Variants in SYN3 observed in about 807,000 individuals in gnomAD.
SYN3 encodes the protein synapsin-3.
A neutral mutation model predicts 65.8 loss-of-function variants in SYN3; 35 were observed. The observed-to-expected ratio is 0.53, with a 90% CI of 0.41 to 0.70. The LOEUF is 0.70. Ranked by LOEUF, SYN3 falls within the 30% of genes least tolerant of loss-of-function variation. The probability of loss-of-function intolerance (pLI) is 0.00; values close to 1 mark genes in which losing one functional copy is unlikely to be tolerated. For missense variants in SYN3, 680 were observed against 749.0 expected, an observed-to-expected ratio of 0.91 and a Z score of 1.08; for synonymous variants, 270 against 292.9, an observed-to-expected ratio of 0.92 and a Z score of 0.80.
chr22:32,993,836 C>T (rs2052797555), intron 2 of SYN3, among the ~76,000 whole-genome samples: 1 of 152,178 alleles, frequency 6.6e-6, no homozygotes, highest in South Asian at 2.1e-4. Context: ...GACCCCACAG[C>T]ATCTGCAGAG....
intron 4 of SYN3, among the ~76,000 whole-genome samples, chr22:32,918,054 G>T (rs182315717): frequency 6.6e-6 from 1 of 152,258 alleles, no homozygotes; most frequent in Non-Finnish European, 1.5e-5. Context: ...GGCTGTGGGT[G>T]GTGGGCTGTC....
At chr22:32,753,283 G>A (rs2045192732) in intron 6 of SYN3, among the ~76,000 whole-genome samples, 1 of 152,122 alleles carries the variant, frequency 6.6e-6, no homozygotes, top group Non-Finnish European at 1.5e-5. Flanking sequence ...AAGTCAGGCC[G>A]GTGGGAGCTC....
chr22:32,995,679 T>C (rs563491269), intron 2 of SYN3, among the ~76,000 whole-genome samples: 38 of 152,058 alleles, frequency 2.5e-4, no homozygotes, highest in Non-Finnish European at 4.3e-4. Context: ...TTTTTTTTTT[T>C]CTGAGATGGA....
chr22:32,575,896 A>C (rs539956673), intron 7 of SYN3, among the ~76,000 whole-genome samples: 1 of 152,178 alleles, frequency 6.6e-6, no homozygotes. Flanking sequence ...AAACAAACAA[A>C]AAAAAACAAA....
At chr22:32,759,206 T>C (rs964001789) in intron 6 of SYN3, among the ~76,000 whole-genome samples, 1 of 152,148 alleles carries the variant, frequency 6.6e-6, no homozygotes. Context: ...TTCCCAGGCC[T>C]AGCCAGCACA....
intron 4 of SYN3, among the ~76,000 whole-genome samples, chr22:32,901,307 G>A (rs924912682): frequency 2.6e-5 from 4 of 152,336 alleles, no homozygotes; most frequent in South Asian, 2.1e-4. Flanking sequence ...GGGTTGTTGG[G>A]TGATACTTAA....
intron 7 of SYN3, among the ~76,000 whole-genome samples, chr22:32,563,151 G>C (rs771615145): frequency 1.6e-4 from 25 of 152,242 alleles, no homozygotes; most frequent in Non-Finnish European, 3.4e-4. Context: ...CTGGTTATTA[G>C]TATCCAGCTT....
intron 3 of SYN3, among the ~76,000 whole-genome samples, chr22:32,939,989 T>G (rs996552193): frequency 2.0e-5 from 3 of 152,226 alleles, no homozygotes; most frequent in Non-Finnish European, 4.4e-5. Flanking sequence ...GAATTACAGT[T>G]GCTCTGTGTC....
chr22:32,924,167 T>C (rs950522643), intron 4 of SYN3, among the ~76,000 whole-genome samples: 2 of 152,244 alleles, frequency 1.3e-5, no homozygotes, highest in Admixed American at 6.5e-5. Context: ...TGTGTCTTTA[T>C]GGTAGAATGA....
intron 6 of SYN3, among the ~76,000 whole-genome samples, chr22:32,672,219 C>T (rs1373421348): frequency 6.6e-6 from 1 of 152,176 alleles, no homozygotes; most frequent in Non-Finnish European, 1.5e-5. Context: ...GTCTGCATAG[C>T]CCTATTAATA....
In SYN3 at chr22:32,565,245, G is replaced by C. The variant is rs367632909; in HGVS notation, c.775-23532C>G. On this transcript the variant is annotated intron_variant, in intron 7 of 13. Transcript: ENST00000358763. ...GACCACAACTGCTTATCACTATGCT[G>C]AGTTGCTTTGGGTGACACAATGATG... is the stretch of plus-strand genomic sequence containing the variant. Among the ~76,000 whole-genome samples the C allele has an allele frequency of 3.3e-5, 5 of 152,334 alleles. No homozygotes were observed. In the East Asian group the frequency reaches 9.6e-4, roughly 29 times the overall value.
intron 4 of SYN3, among the ~76,000 whole-genome samples, chr22:32,889,792 T>C (rs1383558700): frequency 6.6e-6 from 1 of 152,140 alleles, no homozygotes; most frequent in Admixed American, 6.5e-5. Context: ...TTACAAAGAC[T>C]TCTGGGGAAA....
rs1038965644 is a variant in SYN3, at chr22:32,513,586, C to G, written c.*106G>C. On this transcript the variant is annotated 3_prime_UTR_variant, in exon 14 of 14. Transcript: ENST00000358763. ...CAAAGGCATTTAGAAAGTATGTTCT[C>G]AGGCCCTCCATTCTGTTCCCATCAG... 2.8e-6 allele frequency: 4 copies of G among 1,416,736 alleles called. No individual in the cohort carries two copies. In the African/African-American group the frequency reaches 5.7e-5, roughly 20 times the overall value. 87.8% of individuals were successfully genotyped at this position (1,416,736 alleles called of 1,614,324 possible).
intron 1 of SYN3, among the ~76,000 whole-genome samples, chr22:33,009,121 G>C (rs1017744490): frequency 6.6e-6 from 1 of 152,094 alleles, no homozygotes; most frequent in Non-Finnish European, 1.5e-5. Flanking sequence ...AAATTGAGAA[G>C]TAGATCTTTT....
intron 4 of SYN3, among the ~76,000 whole-genome samples, chr22:32,902,845 G>T (rs920800740): frequency 6.8e-6 from 1 of 147,692 alleles, no homozygotes; most frequent in African/African-American, 2.5e-5. Context: ...AAAACAGTAT[G>T]CTGCATTAAG....
chr22:32,993,565 C>T (rs933959377), intron 2 of SYN3, among the ~76,000 whole-genome samples: 2 of 152,148 alleles, frequency 1.3e-5, no homozygotes, highest in Non-Finnish European at 2.9e-5. Flanking sequence ...AGGCTGGTCT[C>T]GAACTCCTAA....
rs574412506 is a variant in SYN3 at position 33,005,174 on chromosome 22, T to C, written c.311+1178A>G. Among the ~76,000 whole-genome samples, 8 of 152,264 alleles carry C rather than the reference T, an allele frequency of 5.3e-5. No individual in the cohort carries two copies. The East Asian group carries it at 1.5e-3, about 29-fold the overall frequency. On this transcript the variant is annotated intron_variant, in intron 2 of 13. Coordinates refer to ENST00000358763, the MANE Select transcript of SYN3 (RefSeq NM_003490.4). ...CCTCTCTCCTTTATAAATTACCCAG[T>C]CTCGGGCAGTTCTTCAGGCAGTGTG...
chr22:33,000,474 CAG>C (rs1236651380), intron 2 of SYN3, among the ~76,000 whole-genome samples: 1 of 152,150 alleles, frequency 6.6e-6, no homozygotes, highest in African/African-American at 2.4e-5. Context: ...CAGGCTGACT[CAG>C]AGTCTACAAG....
chr22:32,999,730 G>T (rs1404912667), intron 2 of SYN3, among the ~76,000 whole-genome samples: 1 of 151,912 alleles, frequency 6.6e-6, no homozygotes, highest in Non-Finnish European at 1.5e-5. Context: ...AAAAGCACAG[G>T]AAGCAGAGCT....
Sources: allele counts gnomAD v4.1 joint callset (sites outside exome capture counted in the v4.1 genomes callset), GRCh38; gene constraint gnomAD v4.1.1; transcripts MANE v1.5; gene names NCBI Gene and HGNC (gene_info 2026-07-23, HGNC 2026-07-21).